Variants in MAP3K9 observed in about 807,000 individuals in gnomAD.
The protein encoded by MAP3K9 is mitogen-activated protein kinase kinase kinase 9.
In MAP3K9, 46 loss-of-function variants were observed where a neutral mutation model predicts 95.8. That is an observed-to-expected ratio of 0.48 (90% CI 0.38 to 0.61). The LOEUF (loss-of-function observed/expected upper bound fraction) is 0.61, where lower values mean the gene tolerates loss of function less well. Ranked by LOEUF, MAP3K9 falls within the 20% of genes least tolerant of loss-of-function variation. The pLI, the probability that MAP3K9 is intolerant of heterozygous loss-of-function variation, is 0.00. For missense variants in MAP3K9, 1,296 were observed against 1,474.3 expected, an observed-to-expected ratio of 0.88 and a Z score of 1.98; for synonymous variants, 533 against 593.8, an observed-to-expected ratio of 0.90 and a Z score of 1.49.
At chr14:70,776,836 T>A (rs1260081791) in intron 2 of MAP3K9, among the ~76,000 whole-genome samples, 3 of 146,314 alleles carry the variant, frequency 2.1e-5, no homozygotes, top group Admixed American at 6.8e-5. Context: ...TCTCTCACTT[T>A]TTTTTTTTTT....
chr14:70,761,281 G>T, intron 2 of MAP3K9, 99 bp from the exon 3 acceptor site: 1 of 985,958 alleles, frequency 1.0e-6, no homozygotes, highest in South Asian at 1.6e-5. Context: ...CCTCTCCTGT[G>T]GGCTCCAGCA....
intron 2 of MAP3K9, among the ~76,000 whole-genome samples, chr14:70,792,957 AG>A (rs1164509719): frequency 6.6e-6 from 1 of 152,244 alleles, no homozygotes; most frequent in East Asian, 1.9e-4. Context: ...GTTGGAGACG[AG>A]GACAAGGTGC....
In MAP3K9 at chr14:70,809,036, CG is replaced by C; in HGVS notation, c.135del (p.Glu47SerfsTer25). ...EEEEAAAAVG[P>X]GELGCDAPLP... Reference sequence around the variant, plus strand: ...AGCGGCGCGTCGCAGCCCAGCTCCCCGGGGCCCACCGCCGCCGCCGCCTCCT... The same window carrying C: ...AGCGGCGCGTCGCAGCCCAGCTCCCCGGGCCCACCGCCGCCGCCGCCTCCT... On this transcript the variant is annotated frameshift_variant, in exon 1 of 12. Transcript: ENST00000554752. LOFTEE classifies it high-confidence loss of function. 6.8e-7 allele frequency: 1 copy of C among 1,473,588 alleles called. No individual in the cohort carries two copies. 91.3% of individuals were successfully genotyped at this position (1,473,588 alleles called of 1,614,324 possible). A position where few individuals can be genotyped will look rare whatever the true frequency, so the allele number is the denominator to read the frequency against.
At position 70,727,365 on chromosome 14, in the gene MAP3K9, A is replaced by G. The variant is rs2053832773; in HGVS notation, c.*3015T>C. 1.3e-5 allele frequency: 2 copies of G among 152,274 alleles called. No individual in the cohort carries two copies. The highest frequency in any genetic ancestry group is 4.1e-4 in the South Asian group (2 of 4,834). The allele number at this position is 152,274 out of a possible 1,614,324, so 9.4% of individuals were successfully genotyped here. A position where few individuals can be genotyped will look rare whatever the true frequency, so the allele number is the denominator to read the frequency against. On this transcript the variant is annotated 3_prime_UTR_variant, in exon 12 of 12. Transcript: ENST00000554752. ...GGGGATAATCCGAATCAGCGGTAGG[A>G]GCTGAAGAATCCAAGAAGCAGGGGC...
At chr14:70,801,582 T>C (rs2054931083) in intron 1 of MAP3K9, among the ~76,000 whole-genome samples, 1 of 152,214 alleles carries the variant, frequency 6.6e-6, no homozygotes, top group African/African-American at 2.4e-5. Flanking sequence ...TACTCAGCTT[T>C]ACTGTGTACT....
intron 8 of MAP3K9, among the ~76,000 whole-genome samples, chr14:70,737,913 AAC>A (rs2054007481): frequency 6.6e-6 from 1 of 152,146 alleles, no homozygotes; most frequent in African/African-American, 2.4e-5. Context: ...GTTTTACTGG[AAC>A]ATAGCCACAC....
In MAP3K9 at chr14:70,733,156, C is replaced by T. The variant is rs754709328; in HGVS notation, c.2213G>A (p.Ser738Asn). Residue 738 changes from serine (S) to asparagine (N), a missense_variant, in exon 11 of 12, where the codon AGC (serine) becomes AAC (asparagine). Physicochemically the swap from Ser to Asn is conservative, Grantham distance 46 (BLOSUM62 1). This residue lies in a region of MAP3K9 where 377 missense variants were observed against 417.1 expected (regional missense o/e 0.90). Transcript: ENST00000554752. ...TSTPQLTPTN[S>N]LKRGGAHHRR... The stretch of plus-strand genomic sequence containing the variant: ...GTGGTGGGCACCGCCCCGCTTGAGG[C>T]TGTTGGTTGGCGTCAGCTGAGGGGT... The T allele has an allele frequency of 7.4e-6, 12 of 1,612,400 alleles. No individual in the cohort carries two copies. In the Admixed American group the frequency reaches 8.3e-5, roughly 11 times the overall value.
At chr14:70,746,933 A>G (rs913277022) in intron 5 of MAP3K9, among the ~76,000 whole-genome samples, 1 of 152,180 alleles carries the variant, frequency 6.6e-6, no homozygotes, top group Non-Finnish European at 1.5e-5. Flanking sequence ...CTGGAATACT[A>G]TTTAGTGAGA....
At chr14:70,788,943 G>A (rs2054777478) in intron 2 of MAP3K9, among the ~76,000 whole-genome samples, 1 of 152,182 alleles carries the variant, frequency 6.6e-6, no homozygotes, top group African/African-American at 2.4e-5. Context: ...AGTTGACATA[G>A]GGAGGCCAGG....
At chr14:70,763,473 T>C (rs1452928389) in intron 2 of MAP3K9, among the ~76,000 whole-genome samples, 1 of 121,896 alleles carries the variant, frequency 8.2e-6, no homozygotes, top group Non-Finnish European at 1.7e-5. Context: ...TATACAATTA[T>C]GTACCATACA....
intron 7 of MAP3K9, 193 bp downstream of exon 7, chr14:70,739,849 A>C (rs953893488): frequency 1.3e-6 from 2 of 1,512,504 alleles, no homozygotes; most frequent in African/African-American, 2.7e-5. Context: ...AGGGGGCAGT[A>C]GTAAAGTTAA....
At chr14:70,736,168 A>G (rs2053984262) in intron 8 of MAP3K9, 139 bp from the exon 9 acceptor site, 2 of 688,578 alleles carry the variant, frequency 2.9e-6, no homozygotes, top group Middle Eastern at 3.4e-4. Context: ...AGCCCACACC[A>G]TGAAAGAATC....
At chr14:70,791,811 T>C (rs1042384752) in intron 2 of MAP3K9, among the ~76,000 whole-genome samples, 1 of 152,256 alleles carries the variant, frequency 6.6e-6, no homozygotes, top group African/African-American at 2.4e-5. Context: ...GATCAAGGTC[T>C]TTCCCCCTGA....
chr14:70,788,760 C>T (rs1045728017), intron 2 of MAP3K9, among the ~76,000 whole-genome samples: 1 of 152,150 alleles, frequency 6.6e-6, no homozygotes, highest in African/African-American at 2.4e-5. Context: ...GTGCTGGACA[C>T]AACCAGATTT....
chr14:70,733,319 C>G lies in MAP3K9; in HGVS notation c.2050G>C (p.Gly684Arg), dbSNP rs772563409. The G allele has an allele frequency of 6.7e-7, 1 of 1,492,002 alleles. No individual in the cohort carries two copies. The highest frequency in any genetic ancestry group is 1.2e-5 in the South Asian group (1 of 82,986). 92.4% of individuals were successfully genotyped at this position (1,492,002 alleles called of 1,614,324 possible). A position where few individuals can be genotyped will look rare whatever the true frequency, so the allele number is the denominator to read the frequency against. ...EMEDEDSEGP[G>R]SGESRLQHSP... ...TGCTGTAGGCGACTCTCTCCACTCC[C>G]TGGGCCTTCACTGTCCTCATCCTCT... The change falls in exon 11 of 12, where the codon GGG becomes CGG. Residue 684 changes from glycine to arginine, a missense_variant. Physicochemically the swap from Gly to Arg is moderately radical, Grantham distance 125. Transcript: ENST00000554752.
chr14:70,809,232 T>A lies in MAP3K9; in HGVS notation c.-61A>T. ...GCCCGCAGGAGCCGCCGCCGCCTAT[T>A]GTTCATGCGCCTCCGCAGAGCTGGG... On this transcript the variant is annotated 5_prime_UTR_variant, in exon 1 of 12. Coordinates refer to ENST00000554752, the MANE Select transcript of MAP3K9 (RefSeq NM_001284230.2). 7.8e-7 allele frequency: 1 copy of A among 1,282,380 alleles called. No homozygotes were observed. Among genetic ancestry groups the A allele is most frequent in the Non-Finnish European group, 9.8e-7 (1 of 1,020,924 alleles). The allele number at this position is 1,282,380 out of a possible 1,614,324, so 79.4% of individuals were successfully genotyped here.
In MAP3K9 at chr14:70,809,120, C is replaced by T; in HGVS notation, c.52G>A (p.Ala18Thr). Reference protein sequence around the residue: ...LGCLASAAAAAPPGEDGAGAG... With the variant: ...LGCLASAAAATPPGEDGAGAG... ...CCTGCTCCATCCTCCCCCGGCGGGG[C>T]GGCAGCGGCGGCGCTCGCTAGGCAG... Residue 18 changes from alanine to threonine, a missense_variant, in exon 1 of 12, where the codon GCC becomes ACC. Physicochemically the swap from Ala to Thr is moderately conservative, Grantham distance 58. Coordinates refer to ENST00000554752, the MANE Select transcript of MAP3K9 (RefSeq NM_001284230.2). 7.2e-7 allele frequency: 1 copy of T among 1,380,066 alleles called. No individual in the cohort carries two copies. Among genetic ancestry groups the T allele is most frequent in the Non-Finnish European group, 9.3e-7 (1 of 1,075,718 alleles). 85.5% of individuals were successfully genotyped at this position (1,380,066 alleles called of 1,614,324 possible).
chr14:70,797,064 A>G (rs1183294292), intron 2 of MAP3K9, among the ~76,000 whole-genome samples: 1 of 152,240 alleles, frequency 6.6e-6, no homozygotes, highest in African/African-American at 2.4e-5. Flanking sequence ...GACCAAGATA[A>G]TAAAACATTT....
rs2053927476 is a variant in MAP3K9, at chr14:70,732,843, C to T, written c.2526G>A (p.Glu842=). The part of the protein sequence containing the change: ...LTLLSLSSIS[E]CNSTRSLLRS... Reference sequence around the variant, plus strand: ...GCAGCAGGGAGCGTGTGGAGTTGCACTCGGAGATGGAGGAGAGGGAGAGCA... The same window carrying T: ...GCAGCAGGGAGCGTGTGGAGTTGCATTCGGAGATGGAGGAGAGGGAGAGCA... The change falls in exon 11 of 12, where the codon GAG becomes GAA. Residue 842 remains glutamate, a synonymous_variant. Coordinates refer to ENST00000554752, the MANE Select transcript of MAP3K9 (RefSeq NM_001284230.2). 4 of 1,613,918 alleles carry T rather than the reference C, an allele frequency of 2.5e-6. No individual in the cohort carries two copies. The highest frequency in any genetic ancestry group is 3.4e-6 in the Non-Finnish European group (4 of 1,179,928).
Sources: allele counts gnomAD v4.1 joint callset (sites outside exome capture counted in the v4.1 genomes callset), GRCh38; gene constraint gnomAD v4.1.1; regional missense constraint gnomAD v4.1.1; transcripts MANE v1.5; gene names NCBI Gene and HGNC (gene_info 2026-07-23, HGNC 2026-07-21).